HDAC6: variants seen among roughly 807,000 people sequenced by gnomAD.
The protein encoded by HDAC6 is protein deacetylase HDAC6.
In HDAC6, 5 loss-of-function variants were observed where a neutral mutation model predicts 88.9. The observed-to-expected ratio is 0.06, with a 90% CI of 0.03 to 0.12. The LOEUF is 0.12. Among genes scored for constraint, HDAC6 ranks in the 10% least tolerant of loss-of-function variants. The pLI is 1.00. For missense variants in HDAC6, 706 were observed against 1,014.4 expected (o/e 0.70, Z 4.13); for synonymous variants, 378 against 398.0 (o/e 0.95, Z 0.60).
In HDAC6 at chrX:48,803,093, A is replaced by G. The variant is rs782810859; in HGVS notation, c.223-35A>G. On this transcript the variant is annotated intron_variant, in intron 3 of 28. Transcript: ENST00000334136. Reference sequence around the variant, plus strand: ...AGTTCCCTCTGACTCAGGGCCTAAAATGGATCTGTGTCTCCTTTTTTTTTT... The same window carrying G: ...AGTTCCCTCTGACTCAGGGCCTAAAGTGGATCTGTGTCTCCTTTTTTTTTT... 5.0e-6 allele frequency: 6 copies of G among 1,197,909 alleles called. No individual in the cohort carries two copies. In the East Asian group the frequency reaches 1.8e-4, roughly 36 times the overall value.
Position 48,823,782 on chromosome X carries a change from T to A in HDAC6, c.3300T>A (p.Asp1100Glu). Residue 1100 changes from aspartate (D) to glutamate (E), a missense_variant, in exon 26 of 29, where the codon GAT becomes GAA. Physicochemically the swap from Asp to Glu is conservative, Grantham distance 45. Coordinates refer to ENST00000334136, the MANE Select transcript of HDAC6 (RefSeq NM_006044.4). ...TGCAGGGATCTAGGGGCCTCACTGA[T>A]CAGGTGAGCTCAGGGAGAGGCTGGG... Reference protein sequence around the residue: ...MLMQGSRGLTDQAIFYAVTPL... With the variant: ...MLMQGSRGLTEQAIFYAVTPL... The A allele has an allele frequency of 1.7e-6, 2 of 1,195,169 alleles. No homozygotes were observed. The highest frequency in any genetic ancestry group is 2.3e-6 in the Non-Finnish European group (2 of 881,268).
intron 19 of HDAC6, 106 bp downstream of exon 19, chrX:48,816,739 A>C: frequency 4.4e-6 from 1 of 226,592 alleles, no homozygotes; most frequent in East Asian, 1.0e-4. Context: ...GCCTGAGGAA[A>C]GGGGCCATGG....
chrX:48,817,727 C>T (rs1321799696), intron 20 of HDAC6: 1 of 411,576 alleles, frequency 2.4e-6, no homozygotes, highest in Non-Finnish European at 4.2e-6. Flanking sequence ...TAGCAGCTGC[C>T]TCGACAGAAC....
At chrX:48,822,104 T>C (rs2063093511) in intron 23 of HDAC6, among the ~76,000 whole-genome samples, 1 of 111,562 alleles carries the variant, frequency 9.0e-6, no homozygotes, top group Non-Finnish European at 1.9e-5. Context: ...CAGGAGTCCA[T>C]GTGGAGAAAG....
rs2062817394 is a variant in HDAC6, at chrX:48,806,377, T to C, written c.447T>C (p.Tyr149=). The part of the protein sequence containing the change: ...EELMLVHSLE[Y]IDLMETTQYM... ...TCCCATCTGTGTCTAGCCTAGAATA[T>C]ATTGATCTGATGGAAACAACCCAGT... Residue 149 remains tyrosine (Y), a synonymous_variant, in exon 7 of 29, where the codon TAT becomes TAC. Transcript: ENST00000334136. 2 of 1,174,001 alleles carry C rather than the reference T, an allele frequency of 1.7e-6. No individual in the cohort carries two copies. Among genetic ancestry groups the C allele is most frequent in the Non-Finnish European group, 2.3e-6 (2 of 861,128 alleles).
In HDAC6 at chrX:48,818,417, A is replaced by G. The variant is rs782363354; in HGVS notation, c.2187+5A>G. The G allele has an allele frequency of 7.0e-6, 8 of 1,149,081 alleles. No individual in the cohort carries two copies. The highest frequency in any genetic ancestry group is 9.3e-6 in the Non-Finnish European group (8 of 862,069). The allele number at this position is 1,149,081 out of a possible 1,213,427, so 94.7% of individuals were successfully genotyped here. On this transcript the variant is annotated splice_donor_5th_base_variant and intron_variant, in intron 22 of 28. Coordinates refer to ENST00000334136, the MANE Select transcript of HDAC6 (RefSeq NM_006044.4). Reference sequence around the variant, plus strand: ...GTGCTTCCCATTGCCTACGAGGTACAGCTCAGGATAGATCGCAGGACGTAT... The same window carrying G: ...GTGCTTCCCATTGCCTACGAGGTACGGCTCAGGATAGATCGCAGGACGTAT...
In HDAC6 at chrX:48,824,155, C is replaced by A; in HGVS notation, c.3451-11C>A. 2 of 1,208,517 alleles carry A rather than the reference C, an allele frequency of 1.7e-6. No homozygotes were observed. Among genetic ancestry groups the A allele is most frequent in the South Asian group, 3.6e-5 (2 of 56,322 alleles). On this transcript the variant is annotated splice_polypyrimidine_tract_variant and intron_variant, in intron 27 of 28. Coordinates refer to ENST00000334136, the MANE Select transcript of HDAC6 (RefSeq NM_006044.4). The stretch of plus-strand genomic sequence containing the variant: ...CTGACCCCCACCTGACACTCACACC[C>A]CCAACCTCAGGTCTACTGTGGTCGT...
chrX:48,802,966 G>C lies in HDAC6; in HGVS notation c.189G>C (p.Met63Ile), dbSNP rs1280516714. ...KGKMKKLGQA[M>I]EEDLIVGLQG... Reference sequence around the variant, plus strand: ...AAATGAAGAAGCTCGGCCAAGCAATGGAAGAAGACCTAATCGTGGGACTGC... The same window carrying C: ...AAATGAAGAAGCTCGGCCAAGCAATCGAAGAAGACCTAATCGTGGGACTGC... Residue 63 changes from methionine to isoleucine, a missense_variant, in exon 3 of 29, where the codon ATG (methionine) becomes ATC (isoleucine). Met to Ile is a conservative substitution (Grantham distance 10). Transcript: ENST00000334136. The C allele has an allele frequency of 3.3e-6, 4 of 1,211,209 alleles. No individual in the cohort carries two copies. In the South Asian group the frequency reaches 5.3e-5, roughly 16 times the overall value.
chrX:48,821,491 CTTTTTTT>C (rs869154128), intron 23 of HDAC6, among the ~76,000 whole-genome samples: 2 of 77,514 alleles, frequency 2.6e-5, no homozygotes, highest in African/African-American at 4.8e-5. Flanking sequence ...ATACCTGCCT[CTTTTTTT>C]TTTTTTTTTT....
rs782358466 is a variant in HDAC6 at position 48,814,988 on chromosome X, G to A, written c.1086G>A (p.Gly362=). Residue 362 remains glycine (G), a synonymous_variant, in exon 14 of 29, where the codon GGG becomes GGA. Coordinates refer to ENST00000334136, the MANE Select transcript of HDAC6 (RefSeq NM_006044.4). ...GTGAGATGGCCGCCACTCCGGCAGG[G>A]TTCGCCCAGCTAACCCACCTGCTCA... ...PKGEMAATPA[G]FAQLTHLLMG... is the part of the protein sequence containing the mutation. The A allele has an allele frequency of 2.5e-6, 3 of 1,209,307 alleles. No individual in the cohort carries two copies. In the East Asian group the frequency reaches 8.9e-5, roughly 36 times the overall value.
intron 22 of HDAC6, 159 bp from the exon 23 acceptor site, chrX:48,819,947 T>C (rs781871653): frequency 1.8e-6 from 1 of 542,430 alleles, no homozygotes; most frequent in South Asian, 2.4e-5. Flanking sequence ...GTCTCTGCTT[T>C]TGTGTCTCCT....
In HDAC6 at chrX:48,815,621, T is replaced by A; in HGVS notation, c.1303T>A (p.Trp435Arg). The change falls in exon 16 of 29, where the codon TGG (tryptophan) becomes AGG (arginine). Residue 435 changes from tryptophan to arginine, a missense_variant. Coordinates refer to ENST00000334136, the MANE Select transcript of HDAC6 (RefSeq NM_006044.4). ...TGCTCTGGAAGCCCTTGAGCCCTTCTGGGAGGTTCTTGTGAGATCAAGTAG... is the reference window on the plus strand; with the variant it reads ...TGCTCTGGAAGCCCTTGAGCCCTTCAGGGAGGTTCTTGTGAGATCAAGTAG... Reference protein sequence around the residue: ...SCALEALEPFWEVLVRSTETV... With the variant: ...SCALEALEPFREVLVRSTETV... 1 of 1,210,429 alleles carries A rather than the reference T, an allele frequency of 8.3e-7. No individual in the cohort carries two copies. Among genetic ancestry groups the A allele is most frequent in the Non-Finnish European group, 1.1e-6 (1 of 894,454 alleles).
chrX:48,818,683 A>G (rs782375949), intron 22 of HDAC6, among the ~76,000 whole-genome samples: 5 of 112,125 alleles, frequency 4.5e-5, no homozygotes, highest in Admixed American at 2.8e-4. Flanking sequence ...ACTATGCACC[A>G]ATGGCCCGTG....
intron 23 of HDAC6, 106 bp downstream of exon 23, chrX:48,820,361 G>A (rs2063061460): frequency 5.7e-6 from 4 of 701,801 alleles, no homozygotes; most frequent in South Asian, 2.9e-5. Flanking sequence ...GTCCCTGCCT[G>A]GGATTGTTGG....
Position 48,823,121 on chromosome X carries a change from G to T in HDAC6, c.2722G>T (p.Asp908Tyr). ...SETAVVALTQ[D>Y]QPSEAATGGA... The stretch of plus-strand genomic sequence containing the variant: ...GACAGCTGTGGTGGCCCTCACTCAG[G>T]ACCAGCCCTCAGAGGCAGCCACAGG... Residue 908 changes from aspartate (D) to tyrosine (Y), a missense_variant, in exon 25 of 29, where the codon GAC becomes TAC. Physicochemically the swap from Asp to Tyr is radical, Grantham distance 160. Transcript: ENST00000334136. 3.3e-6 allele frequency: 4 copies of T among 1,210,038 alleles called. No homozygotes were observed. Among genetic ancestry groups the T allele is most frequent in the Non-Finnish European group, 4.5e-6 (4 of 894,594 alleles).
At chrX:48,822,861 G>T (rs1334086583) in intron 24 of HDAC6, 51 bp from the exon 25 acceptor site, 1 of 1,158,515 alleles carries the variant, frequency 8.6e-7, no homozygotes, top group African/African-American at 1.8e-5. Flanking sequence ...GAGATCAGAG[G>T]CAGGAAGGGT....
intron 10 of HDAC6, chrX:48,810,508 T>G (rs2062884390): frequency 8.9e-6 from 1 of 112,062 alleles, no homozygotes; most frequent in Non-Finnish European, 1.9e-5. Flanking sequence ...ATTTCTTCTT[T>G]GTTTTCTCTG....
Position 48,816,050 on chromosome X carries a change from C to G in HDAC6, c.1491C>G (p.Asp497Glu). ...QNMMNHCNLWDSHHPEVPQRI... is the reference protein window; with the variant it reads ...QNMMNHCNLWESHHPEVPQRI... ...TGATGAATCACTGCAACTTGTGGGA[C>G]AGGTAGGCATTTGGAGGGCTGGATG... The change falls in exon 17 of 29, where the codon GAC becomes GAG. Residue 497 changes from aspartate (D) to glutamate (E), a missense_variant and splice_region_variant. By Grantham distance (45) the Asp-to-Glu change is conservative. Around this residue, in one of 9 missense-constraint regions of HDAC6, gnomAD observed 106 missense variants for 135.1 expected, o/e 0.78. Coordinates refer to ENST00000334136, the MANE Select transcript of HDAC6 (RefSeq NM_006044.4). The G allele has an allele frequency of 8.3e-7, 1 of 1,211,259 alleles. No homozygotes were observed. The highest frequency in any genetic ancestry group is 1.1e-6 in the Non-Finnish European group (1 of 895,020).
At chrX:48,802,486 C>T in intron 1 of HDAC6, 177 bp from the exon 2 acceptor site, 3 of 1,077,973 alleles carry the variant, frequency 2.8e-6, no homozygotes, top group Non-Finnish European at 3.6e-6. Flanking sequence ...GGTAGAATGG[C>T]CACCTGAGTG....
Sources: allele counts gnomAD v4.1 joint callset (sites outside exome capture counted in the v4.1 genomes callset), GRCh38; gene constraint gnomAD v4.1.1; regional missense constraint gnomAD v4.1.1; transcripts MANE v1.5; gene names NCBI Gene and HGNC (gene_info 2026-07-23, HGNC 2026-07-21).